Variants in GDAP2 observed in about 807,000 individuals in gnomAD.
GDAP2 encodes ganglioside induced differentiation associated protein 2.
A neutral mutation model predicts 67.0 loss-of-function variants in GDAP2; 51 were observed. That is an observed-to-expected ratio of 0.76 (90% CI 0.61 to 0.96). The LOEUF is 0.96. GDAP2 is among the 40% of genes least tolerant of loss of function. The pLI, the probability that GDAP2 is intolerant of heterozygous loss-of-function variation, is 0.00. For missense variants in GDAP2, 547 were observed against 588.3 expected (o/e 0.93, Z 0.73); for synonymous variants, 203 against 207.3 (o/e 0.98, Z 0.18).
At chr1:117,926,553 G>A (rs1650453109) in intron 1 of GDAP2, among the ~76,000 whole-genome samples, 1 of 152,164 alleles carries the variant, frequency 6.6e-6, no homozygotes, top group Non-Finnish European at 1.5e-5. Flanking sequence ...TCTCTAAACA[G>A]AATTGATGTT....
Position 117,912,700 on chromosome 1 carries a change from CACACAT to C in GDAP2, c.317-23_317-18del, listed in dbSNP as rs779122662. The stretch of plus-strand genomic sequence containing the variant: ...TTCGGCACCCTGAAAACAATGGAAA[CACACAT>C]AAGTTTGGATGTGTTAGGAAAACAG... On this transcript the variant is annotated intron_variant, in intron 3 of 13. Transcript: ENST00000369443. 24 of 1,607,518 alleles carry C rather than the reference CACACAT, an allele frequency of 1.5e-5. No homozygotes were observed. The Middle Eastern group carries it at 5.0e-4, about 33-fold the overall frequency.
At chr1:117,925,678 A>T (rs1650419950) in intron 1 of GDAP2, among the ~76,000 whole-genome samples, 2 of 152,170 alleles carry the variant, frequency 1.3e-5, no homozygotes, top group South Asian at 4.1e-4. Flanking sequence ...CTCTGTTATC[A>T]TAGGGTCTGA....
chr1:117,919,118 T>TA (rs1288083091), intron 2 of GDAP2, among the ~76,000 whole-genome samples: 2 of 152,296 alleles, frequency 1.3e-5, no homozygotes, highest in South Asian at 2.1e-4. Flanking sequence ...CTCATGCCTG[T>TA]AATTCCAGCA....
At chr1:117,918,901 C>T (rs1288110610) in intron 2 of GDAP2, among the ~76,000 whole-genome samples, 165 bp from the exon 3 acceptor site, 2 of 149,668 alleles carry the variant, frequency 1.3e-5, no homozygotes, top group Non-Finnish European at 2.9e-5. Flanking sequence ...AAAAAACAAT[C>T]TGGCATCTTA....
At chr1:117,877,224 GTGTTGCAGA>G in intron 13 of GDAP2, 1 of 875,360 alleles carries the variant, frequency 1.1e-6, no homozygotes, top group Non-Finnish European at 1.4e-6. Flanking sequence ...GAGAGAAATT[GTGTTGCAGA>G]ATTTTTATTT....
intron 6 of GDAP2, among the ~76,000 whole-genome samples, chr1:117,904,892 T>C (rs1649606668): frequency 6.6e-6 from 1 of 152,198 alleles, no homozygotes. Flanking sequence ...AGACTCAACG[T>C]GTTCAGAAAA....
chr1:117,917,957 C>CA (rs1455783034), intron 3 of GDAP2, among the ~76,000 whole-genome samples: 1 of 152,078 alleles, frequency 6.6e-6, no homozygotes, highest in Non-Finnish European at 1.5e-5. Flanking sequence ...GTTTCTGGAT[C>CA]AAAAAATGCA....
chr1:117,878,991 A>T (rs752417472), intron 12 of GDAP2, among the ~76,000 whole-genome samples: 6 of 152,234 alleles, frequency 3.9e-5, no homozygotes, highest in Non-Finnish European at 7.3e-5. Flanking sequence ...GAAAAGGACC[A>T]TTATAGTAAA....
intron 8 of GDAP2, among the ~76,000 whole-genome samples, chr1:117,894,447 CCA>C (rs1220776335): frequency 2.0e-5 from 3 of 152,148 alleles, no homozygotes; most frequent in Non-Finnish European, 2.9e-5. Context: ...AATAGCCTTA[CCA>C]CAAATCAAGG....
At chr1:117,875,621 C>T (rs1255874977) in intron 13 of GDAP2, among the ~76,000 whole-genome samples, 1 of 152,206 alleles carries the variant, frequency 6.6e-6, no homozygotes, top group Non-Finnish European at 1.5e-5. Flanking sequence ...TGAGAGCAAG[C>T]CATGTGGGTG....
At chr1:117,901,580 T>A (rs1649470167) in intron 6 of GDAP2, among the ~76,000 whole-genome samples, 2 of 152,278 alleles carry the variant, frequency 1.3e-5, no homozygotes, top group South Asian at 2.1e-4. Context: ...TGAAGTGGTA[T>A]CCATAGTGGT....
intron 8 of GDAP2, 39 bp downstream of exon 8, chr1:117,896,794 T>A: frequency 6.9e-7 from 1 of 1,442,876 alleles, no homozygotes; most frequent in Non-Finnish European, 9.4e-7. Flanking sequence ...TTGCTTCTGA[T>A]GTCCTTATGT....
chr1:117,881,979 T>C lies in GDAP2; in HGVS notation c.1248-102A>G, dbSNP rs199964600. On this transcript the variant is annotated intron_variant, in intron 11 of 13. Coordinates refer to ENST00000369443, the MANE Select transcript of GDAP2 (RefSeq NM_017686.4). ...CTATTTGCCTGAGTATATAAATATA[T>C]TCAGAGAAAAATAAAGACAGCTATA... 29 of 651,138 alleles carry C rather than the reference T, an allele frequency of 4.5e-5. No individual in the cohort carries two copies. The East Asian group carries it at 7.5e-4, about 17-fold the overall frequency. 40.3% of individuals were successfully genotyped at this position (651,138 alleles called of 1,614,324 possible).
intron 8 of GDAP2, among the ~76,000 whole-genome samples, chr1:117,894,508 C>T (rs1649202210): frequency 1.3e-5 from 2 of 152,210 alleles, no homozygotes; most frequent in Middle Eastern, 3.4e-3. Flanking sequence ...AGAATGTCTT[C>T]GATGTAGAAG....
intron 8 of GDAP2, among the ~76,000 whole-genome samples, chr1:117,888,049 A>C (rs1167621749): frequency 1.3e-5 from 2 of 152,184 alleles, no homozygotes; most frequent in Non-Finnish European, 2.9e-5. Flanking sequence ...TGGCTAAGAT[A>C]CCAAGTATTC....
chr1:117,899,367 A>G, intron 6 of GDAP2, 151 bp from the exon 7 acceptor site: 1 of 609,952 alleles, frequency 1.6e-6, no homozygotes, highest in South Asian at 2.1e-5. Context: ...ACTGTCTGAA[A>G]CCCTCAATCA....
chr1:117,868,398 T>C lies in GDAP2; in HGVS notation c.*2171A>G, dbSNP rs367610582. On this transcript the variant is annotated 3_prime_UTR_variant, in exon 14 of 14. Coordinates refer to ENST00000369443, the MANE Select transcript of GDAP2 (RefSeq NM_017686.4). ...TCACCTTTATACCCTAGGACATCAA[T>C]TGTACTAAAATCTCAGCATATGTAG... 3.5e-4 allele frequency: 53 copies of C among 152,292 alleles called. No homozygotes were observed. Among genetic ancestry groups the C allele is most frequent in the African/African-American group, 1.3e-3 (53 of 41,576 alleles). The allele number at this position is 152,292 out of a possible 1,614,324, so 9.4% of individuals were successfully genotyped here. A position where few individuals can be genotyped will look rare whatever the true frequency, so the allele number is the denominator to read the frequency against.
At chr1:117,886,488 T>C in intron 10 of GDAP2, 89 bp downstream of exon 10, 2 of 747,402 alleles carry the variant, frequency 2.7e-6, no homozygotes, top group South Asian at 3.1e-5. Context: ...TCAGCCTTGA[T>C]TCATATTGTA....
At chr1:117,897,021 C>G in intron 7 of GDAP2, 32 bp from the exon 8 acceptor site, 1 of 1,507,064 alleles carries the variant, frequency 6.6e-7, no homozygotes. Flanking sequence ...CAATAGAGAG[C>G]TTATGCTAAA....
Sources: allele counts gnomAD v4.1 joint callset (sites outside exome capture counted in the v4.1 genomes callset), GRCh38; gene constraint gnomAD v4.1.1; transcripts MANE v1.5; gene names NCBI Gene and HGNC (gene_info 2026-07-23, HGNC 2026-07-21).